The following TLE4 variants were observed in gnomAD, a reference collection of about 807,000 sequenced individuals.
TLE4 encodes TLE family member 4, transcriptional corepressor, also known as transducin-like enhancer protein 4.
A neutral mutation model predicts 92.8 loss-of-function variants in TLE4; 8 were observed. The ratio of observed to expected loss-of-function variants is 0.09; its 90% CI spans 0.05 to 0.16. TLE4 has a LOEUF of 0.16. Among genes scored for constraint, TLE4 ranks in the 10% least tolerant of loss-of-function variants. The pLI, the probability that TLE4 is intolerant of heterozygous loss-of-function variation, is 1.00. For synonymous variants in TLE4, 371 were observed against 374.1 expected, an observed-to-expected ratio of 0.99 and a Z score of 0.10; for missense variants, 675 against 997.6, an observed-to-expected ratio of 0.68 and a Z score of 4.36.
chr9:79,584,225 G>GAA (rs1323246221), intron 4 of TLE4, among the ~76,000 whole-genome samples: 4 of 152,200 alleles, frequency 2.6e-5, no homozygotes, highest in African/African-American at 9.7e-5. Context: ...AACATGAGGA[G>GAA]CATGGTGATG....
intron 8 of TLE4, among the ~76,000 whole-genome samples, chr9:79,676,319 A>G (rs556193546): frequency 1.1e-4 from 16 of 152,296 alleles, no homozygotes; most frequent in African/African-American, 3.6e-4. Context: ...TAGATTCACA[A>G]ATTAATATAA....
chr9:79,603,340 G>A (rs2046079088), intron 4 of TLE4, among the ~76,000 whole-genome samples: 1 of 152,074 alleles, frequency 6.6e-6, no homozygotes, highest in South Asian at 2.1e-4. Context: ...CTTAATTATT[G>A]TCTGTTTTTG....
chr9:79,631,615 A>AGT (rs2054218595), intron 6 of TLE4, among the ~76,000 whole-genome samples: 5 of 29,604 alleles, frequency 1.7e-4, no homozygotes, highest in Admixed American at 9.9e-4. Context: ...TTGAACCTTA[A>AGT]ATGTGTGTGT....
chr9:79,614,296 C>A (rs554178854), intron 5 of TLE4, among the ~76,000 whole-genome samples: 37 of 152,228 alleles, frequency 2.4e-4, no homozygotes, highest in African/African-American at 8.4e-4. Flanking sequence ...GGCACAGACC[C>A]CTGTATATGA....
At chr9:79,695,769 T>A (rs565437148) in intron 8 of TLE4, among the ~76,000 whole-genome samples, 1 of 152,138 alleles carries the variant, frequency 6.6e-6, no homozygotes, top group African/African-American at 2.4e-5. Flanking sequence ...TCTGAAGATG[T>A]GACATTTAAG....
At chr9:79,722,119 T>A (rs1355575674) in intron 17 of TLE4, among the ~76,000 whole-genome samples, 1 of 152,050 alleles carries the variant, frequency 6.6e-6, no homozygotes, top group African/African-American at 2.4e-5. Flanking sequence ...GAGCTGAGAT[T>A]TTGCCACTGC....
At chr9:79,676,946 T>G (rs553883910) in intron 8 of TLE4, among the ~76,000 whole-genome samples, 1 of 152,142 alleles carries the variant, frequency 6.6e-6, no homozygotes, top group South Asian at 2.1e-4. Flanking sequence ...ATTTCTTTCA[T>G]GTGTTTGAAG....
At chr9:79,572,858 G>A (rs1474030085) in intron 1 of TLE4, 23 bp downstream of exon 1, 13 of 1,591,678 alleles carry the variant, frequency 8.2e-6, no homozygotes, top group Non-Finnish European at 9.4e-6. Flanking sequence ...GGCGGGGCGC[G>A]GGCTCGCCGG....
At chr9:79,718,600 T>A in intron 14 of TLE4, 122 bp from the exon 15 acceptor site, 1 of 1,373,174 alleles carries the variant, frequency 7.3e-7, no homozygotes, top group Non-Finnish European at 9.7e-7. Flanking sequence ...ATGGACAAAT[T>A]CGATTTGTTC....
At chr9:79,574,751 T>G in intron 2 of TLE4, 122 bp from the exon 3 acceptor site, 13 of 734,172 alleles carry the variant, frequency 1.8e-5, no homozygotes, top group East Asian at 8.8e-5. Context: ...TCCATAATGA[T>G]GGGGGTATTT....
intron 4 of TLE4, among the ~76,000 whole-genome samples, chr9:79,611,402 T>C (rs2048337767): frequency 6.6e-6 from 1 of 152,074 alleles, no homozygotes; most frequent in Non-Finnish European, 1.5e-5. Context: ...TTGTGTTTTC[T>C]TTTGGCTGGT....
At position 79,705,979 on chromosome 9, in the gene TLE4, C is replaced by G. The variant is rs771432474; in HGVS notation, c.783+37C>G. ...GCTACTTTAATTTTTTGCACTTGCC[C>G]AGCCATATCAAAGACTAGTTGCCCA... On this transcript the variant is annotated intron_variant, in intron 10 of 19. Transcript: ENST00000376552. 1.9e-6 allele frequency: 3 copies of G among 1,593,030 alleles called. No individual in the cohort carries two copies. In the South Asian group the frequency reaches 3.3e-5, roughly 18 times the overall value.
intron 8 of TLE4, chr9:79,671,072 A>G (rs1303176888): frequency 7.7e-6 from 2 of 259,776 alleles, no homozygotes; most frequent in South Asian, 3.8e-5. Context: ...AAAAAAATCT[A>G]CAAAATGGAT....
intron 5 of TLE4, among the ~76,000 whole-genome samples, chr9:79,625,641 C>G (rs1166945111): frequency 6.6e-6 from 1 of 151,972 alleles, no homozygotes; most frequent in African/African-American, 2.4e-5. Context: ...AACATGAGCT[C>G]TGTGTTTGGC....
intron 14 of TLE4, among the ~76,000 whole-genome samples, chr9:79,710,156 C>G (rs2072884267): frequency 6.6e-6 from 1 of 152,218 alleles, no homozygotes; most frequent in South Asian, 2.1e-4. Context: ...CTCTGGGCAT[C>G]TGGAGCCTCT....
chr9:79,657,016 A>G (rs1255086711), intron 8 of TLE4, among the ~76,000 whole-genome samples: 5 of 152,156 alleles, frequency 3.3e-5, no homozygotes, highest in African/African-American at 4.8e-5. Flanking sequence ...GCAGACCTGT[A>G]TCTGAAGTTT....
At chr9:79,575,635 A>G (rs1374195709) in intron 3 of TLE4, 2 of 152,364 alleles carry the variant, frequency 1.3e-5, no homozygotes, top group African/African-American at 4.8e-5. Context: ...AAGCTCCAGA[A>G]TAACCCACTC....
intron 8 of TLE4, among the ~76,000 whole-genome samples, chr9:79,676,228 A>G (rs1434082218): frequency 5.3e-5 from 8 of 152,198 alleles, no homozygotes; most frequent in Non-Finnish European, 4.4e-5. Context: ...CAAAGGGCAC[A>G]ACAAATAGAG....
intron 8 of TLE4, among the ~76,000 whole-genome samples, chr9:79,668,508 G>A (rs2061759750): frequency 6.6e-6 from 1 of 152,188 alleles, no homozygotes; most frequent in Non-Finnish European, 1.5e-5. Flanking sequence ...GCTCACAGAG[G>A]TGAGAGAATC....
Sources: allele counts gnomAD v4.1 joint callset (sites outside exome capture counted in the v4.1 genomes callset), GRCh38; gene constraint gnomAD v4.1.1; transcripts MANE v1.5; gene names NCBI Gene and HGNC (gene_info 2026-07-23, HGNC 2026-07-21).